TMEM178B: variants seen among roughly 807,000 people sequenced by gnomAD.
The protein encoded by TMEM178B is transmembrane protein 178B.
A neutral mutation model predicts 31.0 loss-of-function variants in TMEM178B; 5 were observed. The observed-to-expected ratio is 0.16, with a 90% confidence interval of 0.08 to 0.34. The LOEUF is 0.34. Ranked by LOEUF, TMEM178B falls within the 10% of genes least tolerant of loss-of-function variation. The pLI, the probability that TMEM178B is intolerant of heterozygous loss-of-function variation, is 1.00. For missense variants in TMEM178B, 275 were observed against 400.3 expected (o/e 0.69, Z 2.67); for synonymous variants, 164 against 164.0 (o/e 1.00, Z 0.00).
chr7:141,156,629 A>G (rs1796074979), intron 1 of TMEM178B, among the ~76,000 whole-genome samples: 1 of 152,214 alleles, frequency 6.6e-6, no homozygotes, highest in African/African-American at 2.4e-5. Context: ...ACTTGTTTAG[A>G]CGGATCAACT....
rs569836337 is a variant in TMEM178B at position 141,234,652 on chromosome 7, T to C, written c.496+21948T>C. ...TCCGAGAATTTCCATGCCCATCACA[T>C]TTCCTCATTCTGGGTTAATCAAACC... is the stretch of plus-strand genomic sequence containing the variant. On this transcript the variant is annotated intron_variant, in intron 2 of 3. Coordinates refer to ENST00000565468, the MANE Select transcript of TMEM178B (RefSeq NM_001195278.2). 2.0e-5 allele frequency among the ~76,000 whole-genome samples: 3 copies of C among 152,328 alleles called. No homozygotes were observed. The South Asian group carries it at 6.2e-4, about 32-fold the overall frequency.
intron 1 of TMEM178B, among the ~76,000 whole-genome samples, chr7:141,174,124 C>T (rs1796389278): frequency 1.3e-5 from 2 of 152,096 alleles, no homozygotes; most frequent in Non-Finnish European, 2.9e-5. Context: ...ACCCCCACCC[C>T]CTGACAGGCC....
chr7:141,419,033 G>A (rs1382479135), intron 2 of TMEM178B, among the ~76,000 whole-genome samples: 8 of 152,002 alleles, frequency 5.3e-5, no homozygotes, highest in South Asian at 4.2e-4. Context: ...TCAGCCTACC[G>A]AATAGCTGGG....
intron 2 of TMEM178B, among the ~76,000 whole-genome samples, chr7:141,309,020 C>T (rs751887295): frequency 5.3e-5 from 8 of 152,174 alleles, no homozygotes; most frequent in Non-Finnish European, 1.0e-4. Context: ...GAGCCCAGAG[C>T]TTCAGCTTGA....
intron 1 of TMEM178B, among the ~76,000 whole-genome samples, chr7:141,124,378 GA>G (rs912598903): frequency 1.9e-4 from 29 of 151,810 alleles, no homozygotes; most frequent in African/African-American, 5.1e-4. Flanking sequence ...AAAAAAAATA[GA>G]AAAAAAAGTT....
intron 2 of TMEM178B, among the ~76,000 whole-genome samples, chr7:141,248,553 A>G (rs968995319): frequency 6.6e-6 from 1 of 152,220 alleles, no homozygotes; most frequent in Non-Finnish European, 1.5e-5. Flanking sequence ...CCTGGGCTAC[A>G]TGATATAGCC....
At chr7:141,510,633 C>A in the TMEM178B span, among the ~76,000 whole-genome samples, 1 of 120,484 alleles carries the variant, frequency 8.3e-6, no homozygotes, top group African/African-American at 3.2e-5. Flanking sequence ...TGCGGTGAGC[C>A]AAGAACGCAC....
intron 2 of TMEM178B, among the ~76,000 whole-genome samples, chr7:141,337,047 CCAT>C (rs1799419033): frequency 6.5e-5 from 5 of 77,104 alleles, no homozygotes; most frequent in Non-Finnish European, 1.2e-4. Context: ...ACCACCACCA[CCAT>C]CACCACCACC....
At chr7:141,494,570 C>T in the TMEM178B span, among the ~76,000 whole-genome samples, 1 of 152,048 alleles carries the variant, frequency 6.6e-6, no homozygotes, top group Non-Finnish European at 1.5e-5. Flanking sequence ...TGTTATGAGG[C>T]CATTGGAAAT....
chr7:141,115,877 C>G (rs1795309817), intron 1 of TMEM178B, among the ~76,000 whole-genome samples: 1 of 152,082 alleles, frequency 6.6e-6, no homozygotes, highest in Non-Finnish European at 1.5e-5. Flanking sequence ...TAAAATAAAG[C>G]TAGGTATAAA....
At chr7:141,300,619 A>G (rs980664036) in intron 2 of TMEM178B, among the ~76,000 whole-genome samples, 7 of 152,018 alleles carry the variant, frequency 4.6e-5, no homozygotes, top group Non-Finnish European at 2.9e-5. Context: ...GGATCCTCCC[A>G]TCTCTCATCA....
intron 1 of TMEM178B, among the ~76,000 whole-genome samples, chr7:141,150,516 C>T (rs1795954558): frequency 6.6e-6 from 1 of 152,210 alleles, no homozygotes; most frequent in Non-Finnish European, 1.5e-5. Context: ...TTCCCTTGAC[C>T]CATGAAAGTG....
At chr7:141,075,639 A>G (rs1485929004) in intron 1 of TMEM178B, among the ~76,000 whole-genome samples, 1 of 152,202 alleles carries the variant, frequency 6.6e-6, no homozygotes, top group Non-Finnish European at 1.5e-5. Context: ...AGAAAGGAAT[A>G]TGTTCTCTTC....
chr7:141,193,636 A>C (rs996256016), intron 1 of TMEM178B, among the ~76,000 whole-genome samples: 5 of 152,216 alleles, frequency 3.3e-5, no homozygotes, highest in Non-Finnish European at 5.9e-5. Context: ...TGCAAGGAGC[A>C]GTCAACTTCA....
intron 2 of TMEM178B, among the ~76,000 whole-genome samples, chr7:141,226,989 C>T (rs1057062211): frequency 2.0e-5 from 3 of 152,160 alleles, no homozygotes; most frequent in South Asian, 4.1e-4. Context: ...ATCTGGTTCA[C>T]GAGGAGCCAT....
chr7:141,249,425 C>T (rs1433581068), intron 2 of TMEM178B, among the ~76,000 whole-genome samples: 1 of 152,212 alleles, frequency 6.6e-6, no homozygotes, highest in Non-Finnish European at 1.5e-5. Flanking sequence ...ATGTCTTTAT[C>T]AGCAGTGTAA....
At chr7:141,497,858 A>T in the TMEM178B span, among the ~76,000 whole-genome samples, 1 of 152,258 alleles carries the variant, frequency 6.6e-6, no homozygotes, top group African/African-American at 2.4e-5. Context: ...GCAGAAATAA[A>T]GGCTGACGGA....
chr7:141,360,678 A>G (rs1302257930), intron 2 of TMEM178B, among the ~76,000 whole-genome samples: 3 of 152,246 alleles, frequency 2.0e-5, no homozygotes, highest in Non-Finnish European at 4.4e-5. Flanking sequence ...TATGTAGGAT[A>G]AAGAAACAAC....
intron 3 of TMEM178B, among the ~76,000 whole-genome samples, chr7:141,446,748 C>A (rs1181760): frequency 6.6e-6 from 1 of 152,108 alleles, no homozygotes; most frequent in Admixed American, 6.5e-5. Flanking sequence ...AAAAGAGGTC[C>A]AATAACAGGA....
Sources: gnomAD v4.1 joint callset for allele counts (sites outside exome capture counted in the v4.1 genomes callset) on GRCh38, gnomAD v4.1.1 for gene constraint, MANE v1.5 for transcripts, NCBI Gene and HGNC (gene_info 2026-07-23, HGNC 2026-07-21) for gene names.